The following FAAH2 variants were observed in gnomAD, a reference collection of about 807,000 sequenced individuals.
The protein encoded by FAAH2 is fatty-acid amide hydrolase 2.
A neutral mutation model predicts 36.9 loss-of-function variants in FAAH2; 60 were observed. That is an observed-to-expected ratio of 1.63 (90% CI 1.32 to 2.02). The LOEUF is 2.02. FAAH2 is among the 30% of genes most tolerant of loss of function. The pLI is 0.00. For synonymous variants in FAAH2, 214 were observed against 143.8 expected, an observed-to-expected ratio of 1.49 and a Z score of -3.49; for missense variants, 689 against 397.5, an observed-to-expected ratio of 1.73 and a Z score of -6.23.
intron 8 of FAAH2, among the ~76,000 whole-genome samples, chrX:57,434,933 C>T (rs2056378618): frequency 9.0e-6 from 1 of 111,094 alleles, no homozygotes; most frequent in Non-Finnish European, 1.9e-5. Flanking sequence ...AGCTTCTTAG[C>T]AGAAACTTCG....
rs182278617 is a variant in FAAH2, at chrX:57,387,789, G to T, written c.996+6760G>T. On this transcript the variant is annotated intron_variant, in intron 7 of 10. Coordinates refer to ENST00000374900, the MANE Select transcript of FAAH2 (RefSeq NM_174912.4). ...GCCTGCTGTTCTATAATCTGTCATT[G>T]CATAAATTAATTTATGTATCTTTGT... 4.5e-3 allele frequency among the ~76,000 whole-genome samples: 495 copies of T among 111,188 alleles called. 3 individuals are homozygous for T. The highest frequency in any genetic ancestry group is 0.019 in the Middle Eastern group (4 of 215).
At chrX:57,423,167 G>A (rs1173779174) in intron 7 of FAAH2, among the ~76,000 whole-genome samples, 1 of 112,150 alleles carries the variant, frequency 8.9e-6, no homozygotes, top group Non-Finnish European at 1.9e-5. Flanking sequence ...ACCACTAATA[G>A]AAGGAGGACA....
chrX:57,236,330 C>T, the FAAH2 span, among the ~76,000 whole-genome samples: 2 of 112,100 alleles, frequency 1.8e-5, no homozygotes, highest in Non-Finnish European at 3.8e-5. Flanking sequence ...TTTCAACATA[C>T]TGATTTAAAT....
chrX:57,255,281 T>A, the FAAH2 span, among the ~76,000 whole-genome samples: 6 of 111,616 alleles, frequency 5.4e-5, no homozygotes, highest in African/African-American at 2.0e-4. Context: ...GAGGCAATAA[T>A]TAATAGCCTA....
chrX:57,331,723 T>C lies in FAAH2; in HGVS notation c.538T>C (p.Cys180Arg). 8.3e-7 allele frequency: 1 copy of C among 1,211,151 alleles called. No individual in the cohort carries two copies. Among genetic ancestry groups the C allele is most frequent in the Non-Finnish European group, 1.1e-6 (1 of 895,281 alleles). Reference protein sequence around the residue: ...PLGITNCSELCMWYESSNKIY... With the variant: ...PLGITNCSELRMWYESSNKIY... Reference sequence around the variant, plus strand: ...TGGCATAACCAACTGTAGTGAGTTGTGTATGTGGTATGAATCCAGTAACAA... The same window carrying C: ...TGGCATAACCAACTGTAGTGAGTTGCGTATGTGGTATGAATCCAGTAACAA... The change falls in exon 4 of 11, where the codon TGT becomes CGT. Residue 180 changes from cysteine (C) to arginine (R), a missense_variant. Physicochemically the swap from Cys to Arg is radical, Grantham distance 180. Transcript: ENST00000374900.
chrX:57,471,813 G>A (rs1426072753), intron 10 of FAAH2, among the ~76,000 whole-genome samples: 1 of 111,834 alleles, frequency 8.9e-6, no homozygotes, highest in Non-Finnish European at 1.9e-5. Context: ...GAACAAAGCT[G>A]GAGGCATCAC....
At chrX:57,183,551 A>T in the FAAH2 span, among the ~76,000 whole-genome samples, 1 of 111,497 alleles carries the variant, frequency 9.0e-6, no homozygotes, top group Non-Finnish European at 1.9e-5. Context: ...AATTGTGAAG[A>T]TTTCATTTTA....
chrX:57,290,759 T>C (rs1025194835), intron 1 of FAAH2, among the ~76,000 whole-genome samples: 1 of 111,888 alleles, frequency 8.9e-6, no homozygotes, highest in Non-Finnish European at 1.9e-5. Context: ...ATACCTTATA[T>C]ATTGTCTTAC....
the FAAH2 span, among the ~76,000 whole-genome samples, chrX:57,180,160 G>A: frequency 1.8e-5 from 2 of 111,573 alleles, no homozygotes; most frequent in Non-Finnish European, 3.8e-5. Context: ...ACATCAACAG[G>A]TGAGAAATAT....
At chrX:57,471,193 G>A (rs2057158451) in intron 10 of FAAH2, among the ~76,000 whole-genome samples, 1 of 111,641 alleles carries the variant, frequency 9.0e-6, no homozygotes, top group South Asian at 3.8e-4. Flanking sequence ...CACAAGACAG[G>A]GATGACCTCT....
Position 57,310,690 on chromosome X carries a change from G to A in FAAH2, c.373G>A (p.Gly125Arg). 3 of 1,209,068 alleles carry A rather than the reference G, an allele frequency of 2.5e-6. No individual in the cohort carries two copies. Among genetic ancestry groups the A allele is most frequent in the Non-Finnish European group, 3.4e-6 (3 of 894,381 alleles). Residue 125 changes from glycine to arginine, a missense_variant, in exon 3 of 11, where the codon GGG becomes AGG. Gly to Arg is a moderately radical substitution (Grantham distance 125). Coordinates refer to ENST00000374900, the MANE Select transcript of FAAH2 (RefSeq NM_174912.4). ...ATLENKWPFLGVPLTVKEAFQ... is the reference protein window; with the variant it reads ...ATLENKWPFLRVPLTVKEAFQ... ...CCTGGAAAATAAATGGCCCTTCCTT[G>A]GGGTTCCTTTGACAGTCAAGGAAGC...
rs185869869 is a variant in FAAH2 at position 57,358,342 on chromosome X, G to A, written c.742+16952G>A. 4.3e-4 allele frequency among the ~76,000 whole-genome samples: 47 copies of A among 110,295 alleles called. No homozygotes were observed. The East Asian group carries it at 0.013, about 31-fold the overall frequency. On this transcript the variant is annotated intron_variant, in intron 5 of 10. Coordinates refer to ENST00000374900, the MANE Select transcript of FAAH2 (RefSeq NM_174912.4). ...ACCAAAACTTTATATCACATGAATA[G>A]CAATTCCCCATTTCTCCCTTTCTCC... is the stretch of plus-strand genomic sequence containing the variant.
At chrX:57,339,878 C>A (rs974776527) in intron 4 of FAAH2, among the ~76,000 whole-genome samples, 1 of 111,737 alleles carries the variant, frequency 8.9e-6, no homozygotes, top group African/African-American at 3.3e-5. Context: ...TACCATTTTA[C>A]CCAGCAATCC....
At chrX:57,465,649 T>G (rs190286185) in intron 10 of FAAH2, among the ~76,000 whole-genome samples, 1 of 111,470 alleles carries the variant, frequency 9.0e-6, no homozygotes, top group African/African-American at 3.2e-5. Flanking sequence ...AAGAGAATTG[T>G]GTTGCTAGGA....
chrX:57,364,716 G>T (rs2054371179), intron 5 of FAAH2, among the ~76,000 whole-genome samples: 1 of 110,176 alleles, frequency 9.1e-6, no homozygotes, highest in Non-Finnish European at 1.9e-5. Context: ...CTCTTAACAG[G>T]TTTTCCCTGT....
intron 1 of FAAH2, among the ~76,000 whole-genome samples, chrX:57,289,686 T>C (rs1342056876): frequency 9.0e-6 from 1 of 111,580 alleles, no homozygotes; most frequent in African/African-American, 3.3e-5. Flanking sequence ...TTTCAGTTTT[T>C]AGATAAGTAA....
chrX:57,472,924 T>G, intron 10 of FAAH2, among the ~76,000 whole-genome samples: 1 of 111,440 alleles, frequency 9.0e-6, no homozygotes, highest in East Asian at 2.8e-4. Flanking sequence ...TTCTTTTTTG[T>G]TTTTTCATTA....
At chrX:57,257,364 A>G in the FAAH2 span, among the ~76,000 whole-genome samples, 160 of 112,075 alleles carry the variant, frequency 1.4e-3, no homozygotes, top group Admixed American at 3.8e-3. Flanking sequence ...ATGCAGCCAG[A>G]ACAAAAGGAT....
In FAAH2 at chrX:57,432,018, C is replaced by G; in HGVS notation, c.1097C>G (p.Ala366Gly). Residue 366 changes from alanine to glycine, a missense_variant, in exon 8 of 11, where the codon GCA becomes GGA. Transcript: ENST00000374900. ...CAGTTGTGGATCGCAATGATGTCAG[C>G]AAAGGGACATGATGGGAAGGTATTT... ...SFQLWIAMMS[A>G]KGHDGKEPVK... 8.3e-7 allele frequency: 1 copy of G among 1,201,159 alleles called. No homozygotes were observed. Among genetic ancestry groups the G allele is most frequent in the East Asian group, 3.0e-5 (1 of 33,566 alleles).
Sources: gnomAD v4.1 joint callset for allele counts (sites outside exome capture counted in the v4.1 genomes callset) on GRCh38, gnomAD v4.1.1 for gene constraint, MANE v1.5 for transcripts, NCBI Gene and HGNC (gene_info 2026-07-23, HGNC 2026-07-21) for gene names.